The following RAG1 variants were observed in gnomAD, a reference collection of about 807,000 sequenced individuals.
The protein encoded by RAG1 is recombination activating 1.
A neutral mutation model predicts 62.7 loss-of-function variants in RAG1; 35 were observed. That is an observed-to-expected ratio of 0.56 (90% CI 0.43 to 0.74). The LOEUF is 0.74. Among genes scored for constraint, RAG1 ranks in the 30% least tolerant of loss-of-function variants. RAG1 has a pLI of 0.00. For missense variants in RAG1, 1,169 were observed against 1,278.6 expected (o/e 0.91, Z 1.31); for synonymous variants, 461 against 470.3 (o/e 0.98, Z 0.26).
chr11:36,512,295 C>T (rs1224377826), intron 1 of RAG1, among the ~76,000 whole-genome samples: 1 of 152,196 alleles, frequency 6.6e-6, no homozygotes, highest in African/African-American at 2.4e-5. Flanking sequence ...AGGGCAACTA[C>T]AAGAGGGAAG....
chr11:36,521,973 C>G (rs527404861), intron 2 of RAG1, among the ~76,000 whole-genome samples: 7 of 152,032 alleles, frequency 4.6e-5, no homozygotes, highest in Non-Finnish European at 7.4e-5. Flanking sequence ...GGAAAGCATT[C>G]AAGAGGTGGC....
chr11:36,577,896 T>A lies in RAG1; in HGVS notation c.*1460T>A, dbSNP rs1564990963. ...TTTTATGGGGCAGGGGTAAGCAAGTTTTTAAATCATTTGTGTGCTCTGGCT... is the reference window on the plus strand; with the variant it reads ...TTTTATGGGGCAGGGGTAAGCAAGTATTTAAATCATTTGTGTGCTCTGGCT... On this transcript the variant is annotated 3_prime_UTR_variant, in exon 2 of 2. Transcript: ENST00000299440. The A allele has an allele frequency of 6.0e-6, 1 of 167,072 alleles. No homozygotes were observed. The highest frequency in any genetic ancestry group is 2.4e-5 in the African/African-American group (1 of 41,448). 10.3% of individuals were successfully genotyped at this position (167,072 alleles called of 1,614,324 possible).
intron 3 of RAG1, among the ~76,000 whole-genome samples, chr11:36,558,125 G>T (rs1850529287): frequency 6.6e-6 from 1 of 151,892 alleles, no homozygotes; most frequent in African/African-American, 2.4e-5. Flanking sequence ...TTCCATTGTG[G>T]TCAGAAAAGA....
Position 36,574,420 on chromosome 11 carries a change from T to C in RAG1, c.1116T>C (p.Tyr372=). 1 of 1,614,184 alleles carries C rather than the reference T, an allele frequency of 6.2e-7. No individual in the cohort carries two copies. Among genetic ancestry groups the C allele is most frequent in the Non-Finnish European group, 8.5e-7 (1 of 1,180,042 alleles). The change falls in exon 2 of 2, where the codon TAT becomes TAC. Residue 372 remains tyrosine (Y), a synonymous_variant. Transcript: ENST00000299440. ...ATGAGGAGGTCAGTTTGGAAAAATA[T>C]AATCACCACATCTCAAGTCACAAGG... ...ECNEEVSLEK[Y]NHHISSHKES...
chr11:36,549,767 T>C (rs1564982552), intron 3 of RAG1, among the ~76,000 whole-genome samples: 1 of 152,200 alleles, frequency 6.6e-6, no homozygotes, highest in Non-Finnish European at 1.5e-5. Context: ...TTACTGAGTA[T>C]ATGCCCAAAG....
At chr11:36,515,181 GAGTC>G (rs1332101119) in intron 1 of RAG1, among the ~76,000 whole-genome samples, 3 of 152,174 alleles carry the variant, frequency 2.0e-5, no homozygotes, top group Admixed American at 2.0e-4. Context: ...AAACACCTGA[GAGTC>G]AGAATCTTTC....
intron 3 of RAG1, among the ~76,000 whole-genome samples, chr11:36,542,175 A>G (rs938469054): frequency 2.0e-5 from 3 of 152,170 alleles, no homozygotes; most frequent in Non-Finnish European, 4.4e-5. Context: ...ATTAGAGAGC[A>G]TTCTCTCTCC....
At position 36,573,654 on chromosome 11, in the gene RAG1, CT is replaced by C. The variant is rs1480764714; in HGVS notation, c.354del (p.Phe118LeufsTer21). On this transcript the variant is annotated frameshift_variant, in exon 2 of 2. Coordinates refer to ENST00000299440, the MANE Select transcript of RAG1 (RefSeq NM_000448.3). LOFTEE classifies it high-confidence loss of function. ...CATCTCTGCCGCATCTGTGGGAATTCTTTTAGAGCTGATGAGCACAACAGGA... is the reference window on the plus strand; with the variant it reads ...CATCTCTGCCGCATCTGTGGGAATTCTTTAGAGCTGATGAGCACAACAGGA... ...LRHLCRICGN[S>X]FRADEHNRRY... is the part of the protein sequence containing the mutation. 1 of 1,613,982 alleles carries C rather than the reference CT, an allele frequency of 6.2e-7. No homozygotes were observed. The highest frequency in any genetic ancestry group is 8.5e-7 in the Non-Finnish European group (1 of 1,180,028).
intron 3 of RAG1, among the ~76,000 whole-genome samples, chr11:36,557,663 A>AATTACTTCTTT (rs1225876626): frequency 0.02 from 2,985 of 152,304 alleles, 96 homozygotes; most frequent in African/African-American, 0.068. Context: ...TAAAGAGTTC[A>AATTACTTCTTT]AATGCAGTCA....
intron 2 of RAG1, among the ~76,000 whole-genome samples, chr11:36,528,712 G>T (rs1311544181): frequency 1.3e-5 from 2 of 151,698 alleles, no homozygotes; most frequent in Non-Finnish European, 1.5e-5. Flanking sequence ...TCCAGGAGAT[G>T]TTTTTTTTGA....
chr11:36,524,482 G>A (rs1860128761), intron 2 of RAG1, among the ~76,000 whole-genome samples: 1 of 150,072 alleles, frequency 6.7e-6, no homozygotes, highest in Admixed American at 6.6e-5. Flanking sequence ...TCAATGTGGT[G>A]TGTGCTATTT....
At chr11:36,510,701 C>T (rs1859905228), upstream of RAG1, 1 of 152,276 alleles carries the variant, frequency 6.6e-6, no homozygotes, top group South Asian at 2.1e-4. Context: ...TCCATAGAAC[C>T]CTCTATTATT....
chr11:36,558,199 CTA>C, intron 3 of RAG1, among the ~76,000 whole-genome samples: 2 of 152,152 alleles, frequency 1.3e-5, no homozygotes, highest in Admixed American at 6.5e-5. Context: ...AACATATAAT[CTA>C]TCCTGGAGAA....
chr11:36,547,379 C>A (rs969533822), intron 3 of RAG1, among the ~76,000 whole-genome samples: 5 of 151,928 alleles, frequency 3.3e-5, no homozygotes, highest in African/African-American at 1.2e-4. Flanking sequence ...AGACTGCTAG[C>A]CAGACTAATA....
At chr11:36,513,716 CA>C (rs1311711949) in intron 1 of RAG1, among the ~76,000 whole-genome samples, 1 of 152,126 alleles carries the variant, frequency 6.6e-6, no homozygotes, top group Non-Finnish European at 1.5e-5. Context: ...TGGTGGAAGG[CA>C]AAAGGCATGT....
chr11:36,531,564 TATC>T lies in RAG1; in HGVS notation n.429-4392_429-4390del, dbSNP rs749517406. 2.6e-5 allele frequency among the ~76,000 whole-genome samples: 4 copies of T among 152,104 alleles called. No individual in the cohort carries two copies. The Middle Eastern group carries it at 0.01, about 388-fold the overall frequency. On this transcript the variant is annotated intron_variant and non_coding_transcript_variant, in intron 2 of 2. Transcript: ENST00000529126. ...ATAAACAGTCTATACAGTCTACTGG[TATC>T]ATTTTACTAATTTGAGCGTAATGTA... is the stretch of plus-strand genomic sequence containing the variant.
At chr11:36,561,411 G>T (rs1011708360) in intron 3 of RAG1, among the ~76,000 whole-genome samples, 1 of 152,060 alleles carries the variant, frequency 6.6e-6, no homozygotes, top group African/African-American at 2.4e-5. Flanking sequence ...TCACAATCTC[G>T]TTAGCTCTTT....
upstream of RAG1, among the ~76,000 whole-genome samples, chr11:36,564,554 G>A (rs1850634847): frequency 6.6e-6 from 1 of 152,086 alleles, no homozygotes; most frequent in Non-Finnish European, 1.5e-5. Flanking sequence ...TTGCCCACAC[G>A]GTGGCACTAG....
In RAG1 at chr11:36,576,019, C is replaced by T. The variant is rs138119069; in HGVS notation, c.2715C>T (p.Cys905=). ...VWRSSCPAKE[C]PESLCQYSFN... is the part of the protein sequence containing the mutation. ...GATCATCATGCCCTGCTAAAGAGTG[C>T]CCAGAATCCCTCTGCCAGTACAGTT... Residue 905 remains cysteine (C), a synonymous_variant, in exon 2 of 2, where the codon TGC becomes TGT. Transcript: ENST00000299440. The T allele has an allele frequency of 1.6e-5, 26 of 1,614,050 alleles. No homozygotes were observed. In the African/African-American group the frequency reaches 2.7e-4, roughly 17 times the overall value.
Sources: allele counts gnomAD v4.1 joint callset (sites outside exome capture counted in the v4.1 genomes callset), GRCh38; gene constraint gnomAD v4.1.1; transcripts MANE v1.5; gene names NCBI Gene and HGNC (gene_info 2026-07-23, HGNC 2026-07-21).